ABCC11: variants seen among roughly 807,000 people sequenced by gnomAD.
ABCC11 encodes the protein ATP-binding cassette sub-family C member 11.
Under a neutral mutation model 149.3 loss-of-function variants are expected in ABCC11, and 135 were observed. The observed-to-expected ratio is 0.90, with a 90% CI of 0.79 to 1.04. ABCC11 has a LOEUF of 1.04. Ranked by LOEUF, ABCC11 falls within the 50% of genes least tolerant of loss-of-function variation. ABCC11 has a pLI of 0.00. For synonymous variants in ABCC11, 665 were observed against 671.4 expected (o/e 0.99, Z 0.15); for missense variants, 1,680 against 1,722.1 (o/e 0.98, Z 0.43).
At chr16:48,197,820 T>C (rs778164403) in intron 17 of ABCC11, 151 bp downstream of exon 17, 22 of 784,256 alleles carry the variant, frequency 2.8e-5, no homozygotes, top group Non-Finnish European at 4.2e-5. Context: ...GGCCCTCAAC[T>C]ACTTGGTTCT....
chr16:48,165,197 T>A (rs924140398), downstream of ABCC11: 1 of 152,404 alleles, frequency 6.6e-6, no homozygotes, highest in Non-Finnish European at 1.5e-5. Flanking sequence ...TCACCCTCAA[T>A]GGGCAGATGA....
intron 1 of ABCC11, among the ~76,000 whole-genome samples, chr16:48,236,958 A>G (rs1295440952): frequency 6.6e-6 from 1 of 152,248 alleles, no homozygotes; most frequent in Non-Finnish European, 1.5e-5. Flanking sequence ...AATGCTAAGC[A>G]TGTGAAAGTT....
At chr16:48,177,481 T>C (rs965982210) in intron 24 of ABCC11, among the ~76,000 whole-genome samples, 3 of 152,234 alleles carry the variant, frequency 2.0e-5, no homozygotes. Context: ...ACTTAATCTC[T>C]CTCTATCCTC....
At chr16:48,208,340 G>A (rs1968619621) in intron 12 of ABCC11, 85 bp downstream of exon 12, 2 of 1,496,020 alleles carry the variant, frequency 1.3e-6, no homozygotes, top group East Asian at 4.5e-5. Flanking sequence ...GAAGAAAGCA[G>A]TGGGGGGCCC....
chr16:48,182,023 T>C (rs1183510854), intron 23 of ABCC11, among the ~76,000 whole-genome samples: 1 of 152,068 alleles, frequency 6.6e-6, no homozygotes, highest in Non-Finnish European at 1.5e-5. Flanking sequence ...CAGTGGAAGC[T>C]CCCAGTCAGC....
At chr16:48,228,106 T>C (rs7359477) in intron 3 of ABCC11, 142 bp from the exon 4 acceptor site, 78,418 of 822,244 alleles carry the variant, frequency 0.095, 4,710 homozygotes, top group African/African-American at 0.23. Flanking sequence ...AAGTTGAAAA[T>C]CATAAACAAC....
intron 1 of ABCC11, among the ~76,000 whole-genome samples, chr16:48,240,510 A>G (rs1970912329): frequency 6.7e-6 from 1 of 150,176 alleles, no homozygotes; most frequent in Non-Finnish European, 1.5e-5. Context: ...GAACAACACA[A>G]TGTGGCCTGA....
chr16:48,230,554 T>C lies in ABCC11; in HGVS notation c.119A>G (p.Asp40Gly). ...TCTCTCTTGCTGACTCCAGGGGCCA[T>C]CTTGGAGAGTATAGGTTTTCTTGGA... is the stretch of plus-strand genomic sequence containing the variant. ...GLIYKTYTLQ[D>G]GPWSQQERNP... Residue 40 changes from aspartate (D) to glycine (G), a missense_variant, in exon 3 of 30, where the codon GAT becomes GGT. Coordinates refer to ENST00000356608, the MANE Select transcript of ABCC11 (RefSeq NM_001370497.1). 6.2e-7 allele frequency: 1 copy of C among 1,605,456 alleles called. No homozygotes were observed. The highest frequency in any genetic ancestry group is 8.5e-7 in the Non-Finnish European group (1 of 1,176,092).
chr16:48,225,071 C>G (rs117184356), intron 4 of ABCC11, among the ~76,000 whole-genome samples: 4,673 of 147,530 alleles, frequency 0.032, 88 homozygotes, highest in Non-Finnish European at 0.046. Flanking sequence ...AATAAAATAA[C>G]ACTACAGTCG....
rs200648114 is a variant in ABCC11 at position 48,227,875 on chromosome 16, C to T, written c.326G>A (p.Arg109Gln). 211 of 1,614,046 alleles carry T rather than the reference C, an allele frequency of 1.3e-4. No individual in the cohort carries two copies. The Middle Eastern group carries it at 3.3e-3, about 25-fold the overall frequency. Reference sequence around the variant, plus strand: ...GATGGTGTTCTCATCTAAGCGACTCCGTAAGCTTTGGATCATGAGCGGGGT... The same window carrying T: ...GATGGTGTTCTCATCTAAGCGACTCTGTAAGCTTTGGATCATGAGCGGGGT... Reference protein sequence around the residue: ...WLTPLMIQSLRSRLDENTIPP... With the variant: ...WLTPLMIQSLQSRLDENTIPP... Residue 109 changes from arginine (R) to glutamine (Q), a missense_variant, in exon 4 of 30, where the codon CGG becomes CAG. Arg to Gln is a conservative substitution (Grantham distance 43). Transcript: ENST00000356608.
At chr16:48,226,763 C>T (rs1970100859) in intron 4 of ABCC11, among the ~76,000 whole-genome samples, 1 of 152,162 alleles carries the variant, frequency 6.6e-6, no homozygotes, top group South Asian at 2.1e-4. Flanking sequence ...TTCTGTACTC[C>T]ATGTGAAAAC....
Position 48,227,849 on chromosome 16 carries a change from G to A in ABCC11, c.352C>T (p.Pro118Ser). The stretch of plus-strand genomic sequence containing the variant: ...GAGGCATCATGGACTGACAGTGGAG[G>A]GATGGTGTTCTCATCTAAGCGACTC... Reference protein sequence around the residue: ...LRSRLDENTIPPLSVHDASDK... With the variant: ...LRSRLDENTISPLSVHDASDK... The change falls in exon 4 of 30, where the codon CCT becomes TCT. Residue 118 changes from proline (P) to serine (S), a missense_variant. Physicochemically the swap from Pro to Ser is moderately conservative, Grantham distance 74. Coordinates refer to ENST00000356608, the MANE Select transcript of ABCC11 (RefSeq NM_001370497.1). 2 of 1,614,122 alleles carry A rather than the reference G, an allele frequency of 1.2e-6. No individual in the cohort carries two copies. The highest frequency in any genetic ancestry group is 1.7e-6 in the Non-Finnish European group (2 of 1,180,022).
chr16:48,208,034 T>G (rs1199348946), intron 12 of ABCC11, among the ~76,000 whole-genome samples: 1 of 152,090 alleles, frequency 6.6e-6, no homozygotes, highest in Non-Finnish European at 1.5e-5. Context: ...AAAATGATTT[T>G]TATGCTCTTT....
chr16:48,221,630 C>T (rs1435244693), intron 6 of ABCC11, among the ~76,000 whole-genome samples: 1 of 152,232 alleles, frequency 6.6e-6, no homozygotes, highest in African/African-American at 2.4e-5. Flanking sequence ...TTAGGGGACG[C>T]ACTTTCCAAC....
chr16:48,243,121 A>G (rs972881592), intron 1 of ABCC11, among the ~76,000 whole-genome samples: 9 of 151,364 alleles, frequency 5.9e-5, no homozygotes, highest in African/African-American at 2.2e-4. Context: ...AAAAAATTGG[A>G]CGGGCGCAGT....
At chr16:48,214,252 C>A (rs1259697024) in intron 9 of ABCC11, among the ~76,000 whole-genome samples, 1 of 151,950 alleles carries the variant, frequency 6.6e-6, no homozygotes. Flanking sequence ...TCTATAGCGC[C>A]CCCAACACCC....
At chr16:48,180,605 A>T (rs144529311) in intron 23 of ABCC11, among the ~76,000 whole-genome samples, 1 of 152,302 alleles carries the variant, frequency 6.6e-6, no homozygotes, top group Non-Finnish European at 1.5e-5. Context: ...AAGCAATGTG[A>T]TGTGTGATTC....
intron 26 of ABCC11, among the ~76,000 whole-genome samples, chr16:48,171,592 C>A (rs1965726799): frequency 6.6e-6 from 1 of 152,246 alleles, no homozygotes; most frequent in Non-Finnish European, 1.5e-5. Context: ...ATTTTAACCA[C>A]TTAAAAGTGT....
At position 48,184,465 on chromosome 16, in the gene ABCC11, A is replaced by C; in HGVS notation, c.3233T>G (p.Val1078Gly). The change falls in exon 23 of 30, where the codon GTC becomes GGC. Residue 1078 changes from valine (V) to glycine (G), a missense_variant. Val to Gly is a moderately radical substitution (Grantham distance 109). Coordinates refer to ENST00000356608, the MANE Select transcript of ABCC11 (RefSeq NM_001370497.1). ...CTGCAGCACGATGTTGACAGCCATG[A>C]CTTTAAAGGAGTAGGGGGTGGAGGA... ...GISSTPYSFK[V>G]MAVNIVLQLA... 3 of 1,614,132 alleles carry C rather than the reference A, an allele frequency of 1.9e-6. No individual in the cohort carries two copies. Among genetic ancestry groups the C allele is most frequent in the Non-Finnish European group, 2.5e-6 (3 of 1,179,994 alleles).
Sources: gnomAD v4.1 joint callset for allele counts (sites outside exome capture counted in the v4.1 genomes callset) on GRCh38, gnomAD v4.1.1 for gene constraint, MANE v1.5 for transcripts, NCBI Gene and HGNC (gene_info 2026-07-23, HGNC 2026-07-21) for gene names.